The following SNTB1 variants were observed in gnomAD, a reference collection of about 807,000 sequenced individuals.
SNTB1 encodes beta-1-syntrophin.
A neutral mutation model predicts 48.9 loss-of-function variants in SNTB1; 36 were observed. The ratio of observed to expected loss-of-function variants is 0.74; its 90% confidence interval spans 0.56 to 0.97. The LOEUF (loss-of-function observed/expected upper bound fraction) is 0.97. Among genes scored for constraint, SNTB1 ranks in the 50% least tolerant of loss-of-function variants. The pLI is 0.00. For synonymous variants in SNTB1, 299 were observed against 294.6 expected, an observed-to-expected ratio of 1.01 and a Z score of -0.15; for missense variants, 786 against 703.4, an observed-to-expected ratio of 1.12 and a Z score of -1.33.
intron 3 of SNTB1, 79 bp from the exon 4 acceptor site, chr8:120,575,304 G>A: frequency 6.5e-7 from 1 of 1,540,720 alleles, no homozygotes; most frequent in South Asian, 1.1e-5. Context: ...CCCCTAATCA[G>A]AGGACTCAGC....
chr8:120,597,668 AAAGT>A (rs1388385485), intron 3 of SNTB1, among the ~76,000 whole-genome samples: 1 of 152,268 alleles, frequency 6.6e-6, no homozygotes, highest in Non-Finnish European at 1.5e-5. Context: ...GTAATTATAC[AAAGT>A]AAGAATATGG....
At chr8:120,661,681 T>C (rs562231334) in intron 2 of SNTB1, among the ~76,000 whole-genome samples, 3 of 152,300 alleles carry the variant, frequency 2.0e-5, no homozygotes, top group African/African-American at 7.2e-5. Context: ...TGGTATGTGA[T>C]GTCCCCCTCC....
At chr8:120,756,180 A>G (rs935664700) in intron 1 of SNTB1, among the ~76,000 whole-genome samples, 2 of 152,028 alleles carry the variant, frequency 1.3e-5, no homozygotes, top group Non-Finnish European at 2.9e-5. Flanking sequence ...CTCTTTCCTT[A>G]TTTGTTTTAA....
At chr8:120,800,778 A>T (rs1025170026) in intron 1 of SNTB1, among the ~76,000 whole-genome samples, 6 of 152,130 alleles carry the variant, frequency 3.9e-5, no homozygotes, top group Non-Finnish European at 8.8e-5. Flanking sequence ...AATAACTCTA[A>T]GAAATCTAAT....
At chr8:120,709,084 A>G (rs537125387) in intron 1 of SNTB1, among the ~76,000 whole-genome samples, 1 of 152,184 alleles carries the variant, frequency 6.6e-6, no homozygotes, top group South Asian at 2.1e-4. Flanking sequence ...AAATGGAAGG[A>G]AGGGAGGAAA....
intron 1 of SNTB1, among the ~76,000 whole-genome samples, chr8:120,748,206 TCCTGTCCATTCTAC>T (rs1819157987): frequency 6.6e-6 from 1 of 152,322 alleles, no homozygotes; most frequent in African/African-American, 2.4e-5. Flanking sequence ...ACAGTGGACA[TCCTGTCCATTCTAC>T]TCATGGTAAA....
chr8:120,558,616 A>C (rs1815606183), intron 4 of SNTB1, among the ~76,000 whole-genome samples: 1 of 152,222 alleles, frequency 6.6e-6, no homozygotes, highest in South Asian at 2.1e-4. Context: ...GAATGAAGCC[A>C]TAGGTAGGAG....
intron 3 of SNTB1, among the ~76,000 whole-genome samples, chr8:120,616,482 T>G (rs77627570): frequency 4.2e-4 from 43 of 103,404 alleles, no homozygotes; most frequent in East Asian, 1.4e-3. Flanking sequence ...AAAAAGTTTT[T>G]TTTTTTTTTT....
At chr8:120,574,735 C>T (rs745504746) in intron 4 of SNTB1, among the ~76,000 whole-genome samples, 4 of 152,112 alleles carry the variant, frequency 2.6e-5, no homozygotes, top group Admixed American at 2.6e-4. Flanking sequence ...TAAGTGAAGA[C>T]CCTTGCTTGG....
chr8:120,757,051 C>A (rs1373254472), intron 1 of SNTB1, among the ~76,000 whole-genome samples: 1 of 152,270 alleles, frequency 6.6e-6, no homozygotes, highest in Middle Eastern at 3.4e-3. Flanking sequence ...ATGACAGTAA[C>A]CACAGTTACT....
intron 1 of SNTB1, among the ~76,000 whole-genome samples, chr8:120,713,773 A>G (rs1818508004): frequency 6.6e-6 from 1 of 152,146 alleles, no homozygotes; most frequent in Non-Finnish European, 1.5e-5. Flanking sequence ...TTTTTTGTGT[A>G]TGTCTGGCTG....
At chr8:120,794,100 C>T (rs532854917) in intron 1 of SNTB1, among the ~76,000 whole-genome samples, 1 of 151,970 alleles carries the variant, frequency 6.6e-6, no homozygotes, top group East Asian at 1.9e-4. Context: ...CATGAACAAA[C>T]TGAAGGAATG....
rs879263513 is a variant in SNTB1 at position 120,636,050 on chromosome 8, C to CT, written c.789-3400dup. On this transcript the variant is annotated intron_variant, in intron 2 of 6. Coordinates refer to ENST00000517992, the MANE Select transcript of SNTB1 (RefSeq NM_021021.4). ...CTACTGAGTTCTAAAGAACTCAAGG[C>CT]TTTTTTTTTTATTATTTTAAAAAGG... 5,985 of 809,792 alleles carry CT rather than the reference C, an allele frequency of 7.4e-3. 2 individuals are homozygous for CT. Among genetic ancestry groups the CT allele is most frequent in the African/African-American group, 0.012 (651 of 52,140 alleles). 50.2% of individuals were successfully genotyped at this position (809,792 alleles called of 1,614,324 possible). A position where few individuals can be genotyped will look rare whatever the true frequency, so the allele number is the denominator to read the frequency against.
intron 2 of SNTB1, among the ~76,000 whole-genome samples, chr8:120,635,074 C>G (rs1563837212): frequency 6.6e-6 from 1 of 151,998 alleles, no homozygotes; most frequent in African/African-American, 2.4e-5. Context: ...AGAAAGTATT[C>G]TTTTTAAGGA....
chr8:120,652,524 C>CT (rs371451366), intron 2 of SNTB1, among the ~76,000 whole-genome samples: 109 of 145,754 alleles, frequency 7.5e-4, no homozygotes, highest in Middle Eastern at 3.6e-3. Context: ...TGCTACATTC[C>CT]TTTTTTTTTT....
chr8:120,587,761 G>A (rs1033513929), intron 3 of SNTB1, among the ~76,000 whole-genome samples: 1 of 152,068 alleles, frequency 6.6e-6, no homozygotes, highest in East Asian at 1.9e-4. Context: ...AGGTGTGAGC[G>A]GTCCATACTC....
rs114460464 is a variant in SNTB1 at position 120,588,091 on chromosome 8, C to T, written c.997-12866G>A. 4.6e-3 allele frequency among the ~76,000 whole-genome samples: 701 copies of T among 152,250 alleles called. 6 individuals are homozygous for T. Among genetic ancestry groups the T allele is most frequent in the African/African-American group, 0.016 (668 of 41,564 alleles). ...GCTCTTTGGGAAAAAAAAATGTATGCTTCAACATCCTGTGTTTTGTTTCCA... is the reference window on the plus strand; with the variant it reads ...GCTCTTTGGGAAAAAAAAATGTATGTTTCAACATCCTGTGTTTTGTTTCCA... On this transcript the variant is annotated intron_variant, in intron 3 of 6. Transcript: ENST00000517992.
At chr8:120,756,143 C>T (rs933904434) in intron 1 of SNTB1, among the ~76,000 whole-genome samples, 1 of 152,216 alleles carries the variant, frequency 6.6e-6, no homozygotes, top group African/African-American at 2.4e-5. Context: ...TAGTCAATCT[C>T]TACCCTTCTA....
chr8:120,758,366 A>C (rs1021673405), intron 1 of SNTB1, among the ~76,000 whole-genome samples: 88 of 152,258 alleles, frequency 5.8e-4, no homozygotes, highest in African/African-American at 2.1e-3. Context: ...GACATATTCA[A>C]TAAGGGCCTG....
Sources: gnomAD v4.1 joint callset for allele counts (sites outside exome capture counted in the v4.1 genomes callset) on GRCh38, gnomAD v4.1.1 for gene constraint, MANE v1.5 for transcripts, NCBI Gene and HGNC (gene_info 2026-07-23, HGNC 2026-07-21) for gene names.